The following ME3 variants were observed in gnomAD, a reference collection of about 807,000 sequenced individuals.
ME3 encodes malic enzyme 3.
In ME3, 48 loss-of-function variants were observed where a neutral mutation model predicts 68.9. That is an observed-to-expected ratio of 0.70 (90% CI 0.55 to 0.89). The LOEUF (loss-of-function observed/expected upper bound fraction) is 0.89. Ranked by LOEUF, ME3 falls within the 40% of genes least tolerant of loss-of-function variation. The pLI, the probability that ME3 is intolerant of heterozygous loss-of-function variation, is 0.00. For missense variants in ME3, 675 were observed against 797.4 expected (o/e 0.85, Z 1.85); for synonymous variants, 320 against 318.8 (o/e 1.00, Z -0.04).
chr11:86,506,862 C>T (rs1331831904), intron 5 of ME3, among the ~76,000 whole-genome samples: 1 of 152,224 alleles, frequency 6.6e-6, no homozygotes, highest in Non-Finnish European at 1.5e-5. Context: ...CCTTAATGTC[C>T]TCAAGATTTT....
At chr11:86,657,400 T>C (rs1218087897) in intron 2 of ME3, among the ~76,000 whole-genome samples, 1 of 132,494 alleles carries the variant, frequency 7.5e-6, no homozygotes, top group Non-Finnish European at 1.5e-5. Flanking sequence ...TTCTCATTCA[T>C]AAGTGGGAGT....
intron 9 of ME3, 106 bp downstream of exon 9, chr11:86,450,195 C>G (rs1949555565): frequency 8.7e-7 from 1 of 1,143,870 alleles, no homozygotes; most frequent in Non-Finnish European, 1.3e-6. Context: ...TATGTCTGTG[C>G]TGCTTCCTCT....
At chr11:86,664,953 TG>T (rs1946500863) in intron 2 of ME3, among the ~76,000 whole-genome samples, 1 of 152,170 alleles carries the variant, frequency 6.6e-6, no homozygotes, top group Admixed American at 6.5e-5. Flanking sequence ...AAAGGGCTGA[TG>T]TAAGATGTAT....
intron 7 of ME3, among the ~76,000 whole-genome samples, chr11:86,472,789 A>C (rs1950853568): frequency 6.6e-6 from 1 of 152,248 alleles, no homozygotes; most frequent in Non-Finnish European, 1.5e-5. Flanking sequence ...TATTAAGGAC[A>C]GGATTTAATA....
chr11:86,671,856 G>A (rs1156905076), exon 2 of ME3: 23 of 1,581,920 alleles, frequency 1.5e-5, no homozygotes, highest in Non-Finnish European at 2.0e-5. Flanking sequence ...GCCTTGGGCG[G>A]GCGCGGTGGG....
Position 86,450,326 on chromosome 11 carries a change from A to G in ME3, c.992T>C (p.Val331Ala), listed in dbSNP as rs780128014. ...CTCGCCTGCACCTTGGAAAACAAAC[A>G]CGTGATTGGAAAGCTTGTTCTTGGT... is the stretch of plus-strand genomic sequence containing the variant. The change falls in exon 9 of 15, where the codon GTG becomes GCG. Residue 331 changes from valine to alanine, a missense_variant. Val to Ala is a moderately conservative substitution (Grantham distance 64). Transcript: ENST00000543262. The G allele has an allele frequency of 6.2e-7, 1 of 1,613,922 alleles. No homozygotes were observed. The highest frequency in any genetic ancestry group is 8.5e-7 in the Non-Finnish European group (1 of 1,179,934).
At chr11:86,606,023 T>A (rs78231083) in intron 2 of ME3, among the ~76,000 whole-genome samples, 1,840 of 152,282 alleles carry the variant, frequency 0.012, 9 homozygotes, top group Non-Finnish European at 0.019. Context: ...GCTGTGTGCA[T>A]CCCTTCTAGT....
intron 2 of ME3, among the ~76,000 whole-genome samples, chr11:86,632,917 T>A (rs1944106754): frequency 6.6e-6 from 1 of 152,134 alleles, no homozygotes; most frequent in South Asian, 2.1e-4. Flanking sequence ...AGAATCCACA[T>A]CCTTCAGTCC....
chr11:86,539,245 C>T (rs531043232), intron 4 of ME3, among the ~76,000 whole-genome samples: 1 of 152,098 alleles, frequency 6.6e-6, no homozygotes, highest in Non-Finnish European at 1.5e-5. Context: ...GGAACTCATC[C>T]AGTAAATCTT....
intron 8 of ME3, chr11:86,457,334 T>C (rs541935206): frequency 1.0e-5 from 2 of 190,618 alleles, no homozygotes; most frequent in Admixed American, 1.1e-4. Flanking sequence ...TTGGTCCCCA[T>C]GAAACCCAGT....
intron 4 of ME3, among the ~76,000 whole-genome samples, chr11:86,510,205 A>G (rs1303489529): frequency 1.3e-5 from 2 of 152,108 alleles, no homozygotes; most frequent in African/African-American, 4.8e-5. Context: ...ACATCGTCCT[A>G]CCAAAACTGC....
At chr11:86,564,476 A>C (rs113253593) in intron 2 of ME3, among the ~76,000 whole-genome samples, 23 of 145,362 alleles carry the variant, frequency 1.6e-4, no homozygotes, top group African/African-American at 3.0e-4. Flanking sequence ...AAAAAAAAAA[A>C]CAGTGTGGGA....
rs1565953465 is a variant in ME3 at position 86,560,702 on chromosome 11, AT to A, written c.184-880del. 2.0e-4 allele frequency among the ~76,000 whole-genome samples: 11 copies of A among 54,534 alleles called. No individual in the cohort carries two copies. In the Admixed American group the frequency reaches 2.1e-3, roughly 11 times the overall value. 35.8% of individuals were successfully genotyped at this position (54,534 alleles called of 152,430 possible). ...GATAGATAAATATATGTATATAATG[AT>A]ATGTGTGTGTGTGTGTGTGTGTATG... On this transcript the variant is annotated intron_variant, in intron 2 of 14. Transcript: ENST00000543262.
intron 2 of ME3, among the ~76,000 whole-genome samples, chr11:86,660,537 G>A (rs1946206297): frequency 6.6e-6 from 1 of 152,186 alleles, no homozygotes; most frequent in South Asian, 2.1e-4. Context: ...CATATCTAGA[G>A]AATGGCAGAG....
chr11:86,523,765 A>G (rs906021512), intron 4 of ME3, among the ~76,000 whole-genome samples: 1 of 152,158 alleles, frequency 6.6e-6, no homozygotes, highest in Non-Finnish European at 1.5e-5. Context: ...CCTCCATCAC[A>G]TCATTAGCTG....
At chr11:86,571,553 T>C (rs372407073) in intron 2 of ME3, among the ~76,000 whole-genome samples, 4 of 152,212 alleles carry the variant, frequency 2.6e-5, no homozygotes, top group East Asian at 3.8e-4. Flanking sequence ...AACTGAGAAA[T>C]TGAATTTTGT....
At chr11:86,669,642 G>A in intron 2 of ME3, among the ~76,000 whole-genome samples, 1 of 152,100 alleles carries the variant, frequency 6.6e-6, no homozygotes, top group East Asian at 1.9e-4. Context: ...CCTCCCACAG[G>A]GTTCCTTCCA....
chr11:86,470,308 A>C (rs1176148257), intron 7 of ME3, among the ~76,000 whole-genome samples: 1 of 152,164 alleles, frequency 6.6e-6, no homozygotes. Context: ...CCCCCCAGAA[A>C]AAAACCCACA....
intron 4 of ME3, among the ~76,000 whole-genome samples, chr11:86,550,522 C>T (rs1424958624): frequency 6.6e-6 from 1 of 152,176 alleles, no homozygotes; most frequent in Admixed American, 6.5e-5. Flanking sequence ...GGCTGCAGAC[C>T]TTGTACACAG....
Sources: allele counts gnomAD v4.1 joint callset (sites outside exome capture counted in the v4.1 genomes callset), GRCh38; gene constraint gnomAD v4.1.1; transcripts MANE v1.5; gene names NCBI Gene and HGNC (gene_info 2026-07-23, HGNC 2026-07-21).